Variants in OPCML observed in about 807,000 individuals in gnomAD.
OPCML encodes the protein opioid binding protein/cell adhesion molecule like.
Under a neutral mutation model 37.8 loss-of-function variants are expected in OPCML, and 13 were observed. The ratio of observed to expected loss-of-function variants is 0.34; its 90% CI spans 0.22 to 0.55. OPCML has a LOEUF of 0.55. Ranked by LOEUF, OPCML falls within the 20% of genes least tolerant of loss-of-function variation. OPCML has a pLI of 0.91. For missense variants in OPCML, 341 were observed against 435.6 expected (o/e 0.78, Z 1.93); for synonymous variants, 176 against 168.8 (o/e 1.04, Z -0.33).
intron 2 of OPCML, among the ~76,000 whole-genome samples, chr11:132,740,229 G>T (rs1381495489): frequency 6.6e-6 from 1 of 152,144 alleles, no homozygotes; most frequent in African/African-American, 2.4e-5. Context: ...TATCTGTGAT[G>T]TATCTATTTA....
chr11:133,253,489 T>A (rs1049012850), intron 1 of OPCML, among the ~76,000 whole-genome samples: 1 of 152,136 alleles, frequency 6.6e-6, no homozygotes, highest in Non-Finnish European at 1.5e-5. Context: ...TTTGTATTTT[T>A]AGTAGAGACA....
chr11:133,045,026 A>G (rs1947980503), intron 1 of OPCML, among the ~76,000 whole-genome samples: 1 of 152,190 alleles, frequency 6.6e-6, no homozygotes, highest in South Asian at 2.1e-4. Context: ...CAGAATCCAC[A>G]AAAGTCATCT....
intron 1 of OPCML, among the ~76,000 whole-genome samples, chr11:133,409,182 G>T (rs985592474): frequency 3.3e-5 from 5 of 152,198 alleles, no homozygotes; most frequent in African/African-American, 1.2e-4. Flanking sequence ...CCACTTCGCA[G>T]ATGAGGAAAC....
At chr11:133,034,579 T>C (rs1289748865) in intron 1 of OPCML, among the ~76,000 whole-genome samples, 1 of 152,166 alleles carries the variant, frequency 6.6e-6, no homozygotes, top group Non-Finnish European at 1.5e-5. Context: ...CTTGGTCAAA[T>C]TGCTGACCTT....
chr11:132,474,924 T>C (rs931136836), intron 4 of OPCML, among the ~76,000 whole-genome samples: 2 of 152,226 alleles, frequency 1.3e-5, no homozygotes, highest in Non-Finnish European at 2.9e-5. Context: ...AAAATAACTG[T>C]CCCCCTTGGG....
chr11:133,389,490 C>T (rs900410376), intron 1 of OPCML, among the ~76,000 whole-genome samples: 1 of 152,024 alleles, frequency 6.6e-6, no homozygotes, highest in Non-Finnish European at 1.5e-5. Context: ...AAAAACCTAT[C>T]GTGTGAGATT....
At chr11:132,998,024 T>C (rs1170816382) in intron 1 of OPCML, among the ~76,000 whole-genome samples, 1 of 152,176 alleles carries the variant, frequency 6.6e-6, no homozygotes, top group Non-Finnish European at 1.5e-5. Context: ...ACCTGTCATA[T>C]GCCACAAAAT....
At chr11:133,011,025 G>A (rs1005595748) in intron 1 of OPCML, among the ~76,000 whole-genome samples, 4 of 152,224 alleles carry the variant, frequency 2.6e-5, no homozygotes, top group Admixed American at 1.3e-4. Flanking sequence ...TTAGAAAGAT[G>A]TAGGTAAACT....
rs111516512 is a variant in OPCML, at chr11:132,604,281, TA to T, written c.379+52805del. 2.7e-4 allele frequency among the ~76,000 whole-genome samples: 40 copies of T among 148,320 alleles called. No individual in the cohort carries two copies. The South Asian group carries it at 3.6e-3, about 13-fold the overall frequency. Reference sequence around the variant, plus strand: ...CCTTGCTTCTTTGTGTTTATTTTCGTAAAAAAAAAAATACAGGGAGGAGTCC... The same window carrying T: ...CCTTGCTTCTTTGTGTTTATTTTCGTAAAAAAAAAATACAGGGAGGAGTCC... On this transcript the variant is annotated intron_variant, in intron 3 of 7. Transcript: ENST00000524381.
At chr11:132,493,115 T>C (rs528226016) in intron 4 of OPCML, among the ~76,000 whole-genome samples, 8 of 152,364 alleles carry the variant, frequency 5.3e-5, no homozygotes, top group African/African-American at 1.9e-4. Context: ...CGTCTTTTTC[T>C]GTGAGGCTAA....
chr11:133,077,554 A>G (rs951264423), intron 1 of OPCML, among the ~76,000 whole-genome samples: 2 of 152,212 alleles, frequency 1.3e-5, no homozygotes, highest in African/African-American at 2.4e-5. Context: ...TTTAATTACT[A>G]TAAATAACTT....
At chr11:132,699,741 A>T (rs1943735749) in intron 2 of OPCML, among the ~76,000 whole-genome samples, 2 of 152,110 alleles carry the variant, frequency 1.3e-5, no homozygotes. Flanking sequence ...CTATAAATTC[A>T]GTTGGCTAAT....
At chr11:133,303,486 G>C (rs1457468448) in intron 1 of OPCML, among the ~76,000 whole-genome samples, 1 of 152,146 alleles carries the variant, frequency 6.6e-6, no homozygotes, top group African/African-American at 2.4e-5. Context: ...ATTGCGGTTG[G>C]CCTGTTGGTT....
intron 2 of OPCML, among the ~76,000 whole-genome samples, chr11:132,896,652 A>G (rs1185540788): frequency 3.9e-5 from 6 of 152,214 alleles, no homozygotes; most frequent in Non-Finnish European, 8.8e-5. Flanking sequence ...TTATGTCACA[A>G]TCCAGTTTGC....
intron 2 of OPCML, among the ~76,000 whole-genome samples, chr11:132,792,211 T>G (rs1937963083): frequency 6.6e-6 from 1 of 152,204 alleles, no homozygotes; most frequent in South Asian, 2.1e-4. Flanking sequence ...GGGCATTGTT[T>G]TACGGAGAGA....
intron 1 of OPCML, among the ~76,000 whole-genome samples, chr11:133,501,119 C>T (rs934072274): frequency 6.6e-6 from 1 of 152,194 alleles, no homozygotes; most frequent in Admixed American, 6.5e-5. Context: ...ACCACCCACA[C>T]TGTGCAGTGT....
At chr11:133,330,213 T>C (rs566546295) in intron 1 of OPCML, among the ~76,000 whole-genome samples, 2 of 152,242 alleles carry the variant, frequency 1.3e-5, no homozygotes, top group East Asian at 1.9e-4. Context: ...TGTGGAGAAA[T>C]AGGAACACTT....
At chr11:132,809,625 T>C (rs1939212001) in intron 2 of OPCML, among the ~76,000 whole-genome samples, 1 of 152,146 alleles carries the variant, frequency 6.6e-6, no homozygotes, top group South Asian at 2.1e-4. Context: ...AGCTCATTTA[T>C]TTAAAATGCC....
At chr11:132,863,174 G>C (rs2136366283) in intron 2 of OPCML, among the ~76,000 whole-genome samples, 1 of 152,278 alleles carries the variant, frequency 6.6e-6, no homozygotes, top group African/African-American at 2.4e-5. Context: ...TACATTGCAT[G>C]GGGCGTGGCT....
Sources: allele counts gnomAD v4.1 joint callset (sites outside exome capture counted in the v4.1 genomes callset), GRCh38; gene constraint gnomAD v4.1.1; transcripts MANE v1.5; gene names NCBI Gene and HGNC (gene_info 2026-07-23, HGNC 2026-07-21).